The following FAM81A variants were observed in gnomAD, a reference collection of about 807,000 sequenced individuals.
The protein encoded by FAM81A is protein FAM81A.
FAM81A carries 19 observed loss-of-function variants against 46.7 expected under a neutral mutation model. The ratio of observed to expected loss-of-function variants is 0.41; its 90% CI spans 0.28 to 0.60. The LOEUF (loss-of-function observed/expected upper bound fraction) is 0.60. FAM81A is among the 20% of genes least tolerant of loss of function. The pLI, the probability that FAM81A is intolerant of heterozygous loss-of-function variation, is 0.34. For synonymous variants in FAM81A, 183 were observed against 152.9 expected (o/e 1.20, Z -1.45); for missense variants, 377 against 453.5 (o/e 0.83, Z 1.53).
chr15:59,450,135 G>C (rs2081401874), intron 1 of FAM81A, among the ~76,000 whole-genome samples: 1 of 142,964 alleles, frequency 7.0e-6, no homozygotes, highest in Non-Finnish European at 1.5e-5. Context: ...AAATGGGGTT[G>C]CCATGTTGCC....
chr15:59,400,366 G>A (rs966574675), intron 1 of FAM81A, among the ~76,000 whole-genome samples: 2 of 151,856 alleles, frequency 1.3e-5, no homozygotes, highest in Admixed American at 6.6e-5. Context: ...TCCTCTCCAC[G>A]TCCACTGCAC....
Position 59,512,105 on chromosome 15 carries a change from G to A in FAM81A, c.651-2184G>A, listed in dbSNP as rs1187209242. ...TACAGCTATACAAATCAGCATGAAT[G>A]AATCTCACAGACATATGTTGAGTGA... On this transcript the variant is annotated intron_variant, in intron 6 of 8. Transcript: ENST00000288228. 3.3e-5 allele frequency among the ~76,000 whole-genome samples: 5 copies of A among 152,304 alleles called. No individual in the cohort carries two copies. The East Asian group carries it at 9.6e-4, about 29-fold the overall frequency.
intron 1 of FAM81A, chr15:59,439,868 A>T (rs2081278773): frequency 6.6e-6 from 1 of 152,240 alleles, no homozygotes; most frequent in Admixed American, 6.5e-5. Flanking sequence ...TCTGCAGGCC[A>T]CTAGGCTGTG....
intron 3 of FAM81A, among the ~76,000 whole-genome samples, chr15:59,484,259 A>G (rs2081890542): frequency 6.6e-6 from 1 of 152,204 alleles, no homozygotes; most frequent in African/African-American, 2.4e-5. Context: ...TTCTTCTTGA[A>G]CTTAAATTTC....
At chr15:59,416,145 G>C (rs2081145734) in intron 2 of FAM81A, among the ~76,000 whole-genome samples, 1 of 152,202 alleles carries the variant, frequency 6.6e-6, no homozygotes, top group Admixed American at 6.5e-5. Flanking sequence ...GAGAGAACTT[G>C]GGTACAGGAC....
intron 7 of FAM81A, 148 bp from the exon 8 acceptor site, chr15:59,516,497 A>G: frequency 1.4e-6 from 1 of 727,092 alleles, no homozygotes; most frequent in African/African-American, 1.8e-5. Flanking sequence ...TTAAGGAAGA[A>G]AGGGAGAACG....
At chr15:59,458,709 A>G (rs1235399723) in intron 2 of FAM81A, 63 bp downstream of exon 2, 3 of 1,463,652 alleles carry the variant, frequency 2.0e-6, no homozygotes, top group Non-Finnish European at 2.9e-6. Context: ...TTACAAATCA[A>G]AGCTTGGGCT....
intron 7 of FAM81A, among the ~76,000 whole-genome samples, chr15:59,516,188 G>A (rs1364474373): frequency 1.3e-5 from 2 of 150,180 alleles, no homozygotes; most frequent in African/African-American, 2.5e-5. Flanking sequence ...GTGGAATGGC[G>A]AGATCTTGGC....
intron 3 of FAM81A, among the ~76,000 whole-genome samples, chr15:59,489,059 A>G (rs1215421393): frequency 6.6e-6 from 1 of 152,122 alleles, no homozygotes; most frequent in Non-Finnish European, 1.5e-5. Context: ...AGGTCAGGAG[A>G]TCGAGACCAT....
At chr15:59,506,406 T>G (rs1166782818) in intron 4 of FAM81A, among the ~76,000 whole-genome samples, 1 of 152,128 alleles carries the variant, frequency 6.6e-6, no homozygotes, top group Non-Finnish European at 1.5e-5. Flanking sequence ...TTGAACCTGC[T>G]TGAACCCTTC....
Position 59,460,456 on chromosome 15 carries a change from A to G in FAM81A, c.294+250A>G. 1 of 571,722 alleles carries G rather than the reference A, an allele frequency of 1.7e-6. No individual in the cohort carries two copies. The highest frequency in any genetic ancestry group is 1.9e-5 in the South Asian group (1 of 52,458). The allele number at this position is 571,722 out of a possible 1,614,324, so 35.4% of individuals were successfully genotyped here. ...CTAAATTTACCTTGCTGATTATTAA[A>G]TGATTTTATTTTGTTTGGCTCTTAA... On this transcript the variant is annotated intron_variant, in intron 3 of 8. Coordinates refer to ENST00000288228, the MANE Select transcript of FAM81A (RefSeq NM_152450.3). The surrounding 1 kb of genome is among the most constrained non-coding windows in gnomAD (Gnocchi z 4.4).
chr15:59,443,168 C>T (rs1046625920), intron 1 of FAM81A, among the ~76,000 whole-genome samples: 52 of 152,142 alleles, frequency 3.4e-4, no homozygotes, highest in African/African-American at 1.1e-3. Context: ...CTGCAGCCTC[C>T]GCCTCCCTGG....
At chr15:59,442,809 A>T (rs1440446495) in intron 1 of FAM81A, among the ~76,000 whole-genome samples, 1 of 152,132 alleles carries the variant, frequency 6.6e-6, no homozygotes, top group East Asian at 1.9e-4. Flanking sequence ...TTATTCACAC[A>T]CATATGTATG....
intron 3 of FAM81A, among the ~76,000 whole-genome samples, chr15:59,465,422 G>A (rs2081600599): frequency 6.6e-6 from 1 of 152,154 alleles, no homozygotes; most frequent in African/African-American, 2.4e-5. Flanking sequence ...ACAGGCACAT[G>A]TCATCATGCC....
At chr15:59,464,706 GAT>G (rs1367214713) in intron 3 of FAM81A, among the ~76,000 whole-genome samples, 2 of 152,132 alleles carry the variant, frequency 1.3e-5, no homozygotes, top group African/African-American at 4.8e-5. Context: ...CTGTATTCTG[GAT>G]ATTAATCCCC....
intron 2 of FAM81A, among the ~76,000 whole-genome samples, chr15:59,424,085 T>G (rs2081185845): frequency 6.6e-6 from 1 of 152,190 alleles, no homozygotes; most frequent in Non-Finnish European, 1.5e-5. Flanking sequence ...TCCCCACCAT[T>G]GCACCCAAAC....
intron 1 of FAM81A, among the ~76,000 whole-genome samples, chr15:59,450,511 C>T (rs1214416848): frequency 1.3e-5 from 2 of 152,144 alleles, no homozygotes; most frequent in African/African-American, 2.4e-5. Flanking sequence ...TATCAATTCA[C>T]ACTCCCATCT....
chr15:59,520,211 C>CT (rs1567081482), intron 8 of FAM81A, among the ~76,000 whole-genome samples: 1 of 152,094 alleles, frequency 6.6e-6, no homozygotes, highest in Admixed American at 6.6e-5. Context: ...TACCCCTGCC[C>CT]TATACTGTTT....
At chr15:59,507,430 A>G (rs144260741) in intron 5 of FAM81A, 88 bp downstream of exon 5, 7 of 1,508,288 alleles carry the variant, frequency 4.6e-6, no homozygotes, top group Middle Eastern at 1.7e-4. Flanking sequence ...TACAGGAGAA[A>G]CCAGCTGGGG....
Sources: allele counts gnomAD v4.1 joint callset (sites outside exome capture counted in the v4.1 genomes callset), GRCh38; gene constraint gnomAD v4.1.1; non-coding constraint Gnocchi (gnomAD v3.1); transcripts MANE v1.5; gene names NCBI Gene and HGNC (gene_info 2026-07-23, HGNC 2026-07-21).